Variants in AASDH observed in about 807,000 individuals in gnomAD.
AASDH encodes the protein aminoadipate-semialdehyde dehydrogenase, also known as beta-alanine-activating enzyme.
Under a neutral mutation model 102.3 loss-of-function variants are expected in AASDH, and 81 were observed. The observed-to-expected ratio is 0.79, with a 90% CI of 0.66 to 0.95. AASDH has a LOEUF of 0.95. Ranked by LOEUF, AASDH falls within the 40% of genes least tolerant of loss-of-function variation. The pLI is 0.00. For missense variants in AASDH, 1,203 were observed against 1,266.2 expected (o/e 0.95, Z 0.76); for synonymous variants, 398 against 454.0 (o/e 0.88, Z 1.57).
chr4:56,373,292 A>G (rs1352545563), intron 4 of AASDH, among the ~76,000 whole-genome samples: 2 of 152,076 alleles, frequency 1.3e-5, no homozygotes, highest in Non-Finnish European at 2.9e-5. Context: ...GGCATGCACC[A>G]CCAAACCTGG....
chr4:56,365,183 T>A (rs1198333266), intron 5 of AASDH, among the ~76,000 whole-genome samples: 1 of 151,896 alleles, frequency 6.6e-6, no homozygotes, highest in South Asian at 2.1e-4. Context: ...CCTAAATATA[T>A]ATGCACCCAA....
intron 5 of AASDH, among the ~76,000 whole-genome samples, chr4:56,370,588 G>C (rs1751575144): frequency 6.6e-6 from 1 of 152,110 alleles, no homozygotes; most frequent in South Asian, 2.1e-4. Flanking sequence ...GCAGTCTAAT[G>C]AATCAGCGAG....
intron 1 of AASDH, among the ~76,000 whole-genome samples, chr4:56,384,969 G>A (rs1753385372): frequency 6.6e-6 from 1 of 152,208 alleles, no homozygotes; most frequent in African/African-American, 2.4e-5. Flanking sequence ...AGCTACTCTG[G>A]AGGGTGAGGC....
chr4:56,362,749 C>A (rs1344515981), intron 5 of AASDH, among the ~76,000 whole-genome samples: 1 of 151,986 alleles, frequency 6.6e-6, no homozygotes, highest in Non-Finnish European at 1.5e-5. Flanking sequence ...AAGATGAACC[C>A]TGGGGGTGGA....
intron 10 of AASDH, among the ~76,000 whole-genome samples, chr4:56,351,023 CT>C (rs1283899171): frequency 6.6e-6 from 1 of 152,192 alleles, no homozygotes; most frequent in Non-Finnish European, 1.5e-5. Flanking sequence ...TGGCTATTTT[CT>C]CAGCTCTGAC....
intron 5 of AASDH, among the ~76,000 whole-genome samples, chr4:56,369,087 A>C (rs934118017): frequency 2.0e-5 from 3 of 152,188 alleles, no homozygotes; most frequent in South Asian, 4.1e-4. Flanking sequence ...GAGATAAATA[A>C]AATCACCATG....
At chr4:56,367,669 A>G in intron 5 of AASDH, among the ~76,000 whole-genome samples, 1 of 134,964 alleles carries the variant, frequency 7.4e-6, no homozygotes, top group Non-Finnish European at 1.6e-5. Context: ...AGCCATATGT[A>G]GAAAGCTGAA....
At chr4:56,351,482 A>G (rs1268657329) in intron 9 of AASDH, 25 bp from the exon 10 acceptor site, 1 of 1,288,180 alleles carries the variant, frequency 7.8e-7, no homozygotes, top group Non-Finnish European at 1.1e-6. Flanking sequence ...GAAATAACAA[A>G]TGTTTTAAAA....
At chr4:56,339,192 C>T (rs1011459567) in intron 14 of AASDH, among the ~76,000 whole-genome samples, 7 of 151,180 alleles carry the variant, frequency 4.6e-5, no homozygotes, top group African/African-American at 9.7e-5. Context: ...CTTGCTCTGT[C>T]GCCCAGGCTG....
At chr4:56,368,052 G>A (rs1190828584) in intron 5 of AASDH, among the ~76,000 whole-genome samples, 5 of 152,214 alleles carry the variant, frequency 3.3e-5, no homozygotes, top group Admixed American at 3.3e-4. Flanking sequence ...TCAACAAGTG[G>A]GCGAAGGATA....
At position 56,354,819 on chromosome 4, in the gene AASDH, A is replaced by G. The variant is rs1749405290; in HGVS notation, c.1104-8T>C. 3 of 1,581,616 alleles carry G rather than the reference A, an allele frequency of 1.9e-6. No individual in the cohort carries two copies. The East Asian group carries it at 6.7e-5, about 36-fold the overall frequency. The stretch of plus-strand genomic sequence containing the variant: ...TGTACAGGCAATTCACATCTATGAA[A>G]ATAAGATACAGAGCAGATTTAAAAT... On this transcript the variant is annotated splice_polypyrimidine_tract_variant and splice_region_variant and intron_variant, in intron 6 of 14. Coordinates refer to ENST00000205214, the MANE Select transcript of AASDH (RefSeq NM_181806.4).
At chr4:56,358,854 G>A (rs563890039) in intron 5 of AASDH, among the ~76,000 whole-genome samples, 5 of 152,182 alleles carry the variant, frequency 3.3e-5, no homozygotes, top group African/African-American at 7.2e-5. Flanking sequence ...TCAAGTCTTC[G>A]ATACTAGCTG....
chr4:56,377,043 G>A (rs1752427559), intron 4 of AASDH, among the ~76,000 whole-genome samples: 2 of 146,764 alleles, frequency 1.4e-5, no homozygotes, highest in African/African-American at 5.0e-5. Flanking sequence ...CTCCAGCCTG[G>A]GCGACAGAGC....
chr4:56,367,982 T>G (rs1751227651), intron 5 of AASDH, among the ~76,000 whole-genome samples: 1 of 152,134 alleles, frequency 6.6e-6, no homozygotes, highest in Admixed American at 6.5e-5. Context: ...GACAAAGGGC[T>G]AATATCCAGA....
intron 5 of AASDH, among the ~76,000 whole-genome samples, chr4:56,361,652 C>A (rs1275740947): frequency 6.6e-6 from 1 of 152,092 alleles, no homozygotes; most frequent in East Asian, 1.9e-4. Flanking sequence ...TCCTAGGTAT[C>A]AACCTAATAT....
At chr4:56,364,475 C>T (rs939386855) in intron 5 of AASDH, among the ~76,000 whole-genome samples, 15 of 152,122 alleles carry the variant, frequency 9.9e-5, no homozygotes, top group South Asian at 2.1e-4. Context: ...AGAGAAAGGT[C>T]GGGTTACCCA....
chr4:56,348,480 C>G lies in AASDH; in HGVS notation c.2488+783G>C, dbSNP rs189164118. Among the ~76,000 whole-genome samples the G allele has an allele frequency of 6.6e-5, 10 of 152,246 alleles. No individual in the cohort carries two copies. In the East Asian group the frequency reaches 1.7e-3, roughly 26 times the overall value. ...ATGTTACCCAGGCTGGTCTCGAACTCCTGGGCACAAGCGATCTGTCCACCT... is the reference window on the plus strand; with the variant it reads ...ATGTTACCCAGGCTGGTCTCGAACTGCTGGGCACAAGCGATCTGTCCACCT... On this transcript the variant is annotated intron_variant, in intron 11 of 14. Transcript: ENST00000205214.
chr4:56,359,111 G>GT (rs1491004644), intron 5 of AASDH, among the ~76,000 whole-genome samples: 14 of 116,390 alleles, frequency 1.2e-4, no homozygotes, highest in South Asian at 1.1e-3. Context: ...TGTTGTTTTT[G>GT]GTTTTTTTTT....
chr4:56,375,148 A>G (rs1752198245), intron 4 of AASDH, among the ~76,000 whole-genome samples: 2 of 151,872 alleles, frequency 1.3e-5, no homozygotes, highest in Non-Finnish European at 2.9e-5. Flanking sequence ...CAGCTGCCCA[A>G]GTTCAATCAC....
Sources: gnomAD v4.1 joint callset for allele counts (sites outside exome capture counted in the v4.1 genomes callset) on GRCh38, gnomAD v4.1.1 for gene constraint, MANE v1.5 for transcripts, NCBI Gene and HGNC (gene_info 2026-07-23, HGNC 2026-07-21) for gene names.